Variants in LRRC9 observed in about 807,000 individuals in gnomAD.
LRRC9 encodes leucine-rich repeat-containing protein 9.
Under a neutral mutation model 63.2 loss-of-function variants are expected in LRRC9, and 122 were observed. That is an observed-to-expected ratio of 1.93 (90% CI 1.67 to 2.24). The LOEUF (loss-of-function observed/expected upper bound fraction) is 2.24. Among genes scored for constraint, LRRC9 ranks in the 30% most tolerant of loss-of-function variants. LRRC9 has a pLI of 0.00. For missense variants in LRRC9, 1,071 were observed against 627.7 expected (o/e 1.71, Z -7.55); for synonymous variants, 366 against 213.1 (o/e 1.72, Z -6.25).
chr14:59,927,874 T>A lies in LRRC9; in HGVS notation c.-33-37T>A. ...TATTTCAACTTGGAATGACAATGACTTTAATATTTATTTCATTTTTTCATT... is the reference window on the plus strand; with the variant it reads ...TATTTCAACTTGGAATGACAATGACATTAATATTTATTTCATTTTTTCATT... On this transcript the variant is annotated intron_variant, in intron 1 of 31. Transcript: ENST00000445360. The surrounding 1 kb of genome is among the most constrained non-coding windows in gnomAD (Gnocchi z 4.4). The A allele has an allele frequency of 3.2e-6, 2 of 624,910 alleles. No homozygotes were observed. Among genetic ancestry groups the A allele is most frequent in the Admixed American group, 5.5e-5 (2 of 36,246 alleles). 38.7% of individuals were successfully genotyped at this position (624,910 alleles called of 1,614,324 possible).
chr14:59,937,458 A>G (rs1273775136), intron 6 of LRRC9, among the ~76,000 whole-genome samples: 1 of 152,092 alleles, frequency 6.6e-6, no homozygotes, highest in African/African-American at 2.4e-5. Context: ...ATCTATCCCA[A>G]CGCTGGGGGA....
At chr14:60,006,281 C>T (rs997490427) in intron 21 of LRRC9, 116 bp from the exon 22 acceptor site, 21 of 584,748 alleles carry the variant, frequency 3.6e-5, no homozygotes, top group Non-Finnish European at 1.2e-5. Context: ...ATTACAGAAT[C>T]TTTAAAGCCA....
intron 8 of LRRC9, among the ~76,000 whole-genome samples, chr14:59,954,318 T>G (rs1208596170): frequency 2.6e-5 from 4 of 152,234 alleles, no homozygotes; most frequent in African/African-American, 4.8e-5. Context: ...TCCATTTTTT[T>G]TGTGTCCTCT....
intron 13 of LRRC9, among the ~76,000 whole-genome samples, chr14:59,976,255 A>G (rs896434737): frequency 1.1e-4 from 17 of 152,236 alleles, no homozygotes; most frequent in African/African-American, 3.9e-4. Flanking sequence ...GAAATAAAGT[A>G]CACAATAAAT....
At chr14:59,996,093 A>C (rs143523429) in intron 17 of LRRC9, among the ~76,000 whole-genome samples, 1 of 152,202 alleles carries the variant, frequency 6.6e-6, no homozygotes, top group Non-Finnish European at 1.5e-5. Context: ...GTCTACAGGC[A>C]GGTGCCACAA....
chr14:59,977,033 T>C (rs1418095460), intron 13 of LRRC9, among the ~76,000 whole-genome samples, 192 bp from the exon 14 acceptor site: 3 of 152,206 alleles, frequency 2.0e-5, no homozygotes. Context: ...TTTCATGTAT[T>C]CAACAAATAT....
At position 59,932,679 on chromosome 14, in the gene LRRC9, A is replaced by G. The variant is rs2139789574; in HGVS notation, c.543+640A>G. The stretch of plus-strand genomic sequence containing the variant: ...GTACAACTGGGTGCACCTTCAGAAT[A>G]TGTCCAGAGTCTGATCACTTCTTAC... On this transcript the variant is annotated intron_variant, in intron 6 of 31. Transcript: ENST00000445360. The surrounding 1 kb of genome is among the most constrained non-coding windows in gnomAD (Gnocchi z 4.7). Among the ~76,000 whole-genome samples the G allele has an allele frequency of 6.6e-6, 1 of 152,162 alleles. No homozygotes were observed. The highest frequency in any genetic ancestry group is 1.9e-4 in the East Asian group (1 of 5,182).
intron 30 of LRRC9, among the ~76,000 whole-genome samples, chr14:60,057,386 C>T (rs1340220385): frequency 1.3e-5 from 2 of 152,030 alleles, no homozygotes; most frequent in African/African-American, 2.4e-5. Context: ...TTATAAGATG[C>T]TTTTCTTAAC....
chr14:59,928,208 AAAAGTCATCTTTTAATTATTT>A (rs1889370416), intron 2 of LRRC9, 39 bp from the exon 3 acceptor site: 9 of 565,886 alleles, frequency 1.6e-5, no homozygotes, highest in Admixed American at 3.4e-5. Context: ...TTCTAATGGT[AAAAGTCATCTTTTAATTATTT>A]AAAATAGGTA....
At chr14:60,044,350 T>C (rs927732960) in intron 29 of LRRC9, among the ~76,000 whole-genome samples, 1 of 152,142 alleles carries the variant, frequency 6.6e-6, no homozygotes, top group African/African-American at 2.4e-5. Context: ...GCTTGGCTTG[T>C]TTTTACATTT....
rs1229184494 is a variant in LRRC9 at position 60,006,655 on chromosome 14, T to G, written c.3063+38T>G. On this transcript the variant is annotated intron_variant, in intron 22 of 31. Coordinates refer to ENST00000445360, the Ensembl canonical transcript of LRRC9. ...GTAGTAATTTTTTTGTTTTTTAACA[T>G]GTATTGTTTCTTTATATTATGAAAG... is the stretch of plus-strand genomic sequence containing the variant. 5.5e-5 allele frequency: 32 copies of G among 579,508 alleles called. No homozygotes were observed. The Admixed American group carries it at 1.0e-3, about 19-fold the overall frequency. 35.9% of individuals were successfully genotyped at this position (579,508 alleles called of 1,614,324 possible).
In LRRC9 at chr14:59,938,946, C is replaced by CATACATATATACACACATATATACATAT. The variant is rs1566790259; in HGVS notation, c.726+404_726+431dup. 3.1e-5 allele frequency among the ~76,000 whole-genome samples: 3 copies of CATACATATATACACACATATATACATAT among 97,940 alleles called. No individual in the cohort carries two copies. Among genetic ancestry groups the CATACATATATACACACATATATACATAT allele is most frequent in the Admixed American group, 2.0e-4 (2 of 10,186 alleles). The allele number at this position is 97,940 out of a possible 152,430, so 64.3% of individuals were successfully genotyped here. A position where few individuals can be genotyped will look rare whatever the true frequency, so the allele number is the denominator to read the frequency against. ...ATATATATACACATATATACATATA[C>CATACATATATACACACATATATACATAT]ATACATATATACACACATATATACA... On this transcript the variant is annotated intron_variant, in intron 7 of 31. Coordinates refer to ENST00000445360, the Ensembl canonical transcript of LRRC9. The surrounding 1 kb of genome is among the most constrained non-coding windows in gnomAD (Gnocchi z 4.2).
rs1029621472 is a variant in LRRC9 at position 60,051,843 on chromosome 14, T to C, written c.3991-1222T>C. ...TGGGCTCACAAGGGGATCTCCCAAT[T>C]TGTGGGTTGCAAAGATTCATGGGAG... On this transcript the variant is annotated intron_variant, in intron 29 of 31. Transcript: ENST00000445360. This position sits in a 1 kb window ranked among gnomAD's most constrained non-coding sequence, Gnocchi z 4.7. 5.1e-4 allele frequency among the ~76,000 whole-genome samples: 77 copies of C among 152,256 alleles called. 1 individual carries two copies. Among genetic ancestry groups the C allele is most frequent in the African/African-American group, 1.7e-3 (70 of 41,548 alleles).
chr14:59,930,935 A>G lies in LRRC9; in HGVS notation c.285A>G (p.Gln95=). 1 of 441,118 alleles carries G rather than the reference A, an allele frequency of 2.3e-6. No individual in the cohort carries two copies. 27.3% of individuals were successfully genotyped at this position (441,118 alleles called of 1,614,324 possible). The change falls in exon 4 of 32, where the codon CAA becomes CAG. Residue 95 remains glutamine (Q), a synonymous_variant. Coordinates refer to ENST00000445360, the Ensembl canonical transcript of LRRC9. The surrounding 1 kb of genome is among the most constrained non-coding windows in gnomAD (Gnocchi z 4.9). The stretch of plus-strand genomic sequence containing the variant: ...TTTTACAGAAAATTGAAGGTCTTCA[A>G]GAATGTAGAAATTTGGAAAAACTAT...
intron 29 of LRRC9, among the ~76,000 whole-genome samples, chr14:60,035,960 T>TG (rs35623415): frequency 0.75 from 114,018 of 151,616 alleles, 44,848 homozygotes; most frequent in Non-Finnish European, 0.87. Flanking sequence ...CTCACAATTC[T>TG]GAGGCTGAAA....
At chr14:59,996,775 G>A (rs1038676371) in intron 17 of LRRC9, among the ~76,000 whole-genome samples, 7 of 152,112 alleles carry the variant, frequency 4.6e-5, no homozygotes, top group South Asian at 2.1e-4. Flanking sequence ...AGTATTTATC[G>A]AGAGTCTTAA....
chr14:59,931,653 A>G (rs757886945), exon 5 of LRRC9: 1 of 699,372 alleles, frequency 1.4e-6, no homozygotes, highest in South Asian at 1.5e-5. Context: ...AAAGATCTCA[A>G]CCTTGCTGGA....
Position 59,938,823 on chromosome 14 carries a change from A to G in LRRC9, c.726+251A>G, listed in dbSNP as rs576104247. Among the ~76,000 whole-genome samples the G allele has an allele frequency of 1.0e-3, 150 of 148,950 alleles. No individual in the cohort carries two copies. Among genetic ancestry groups the G allele is most frequent in the Non-Finnish European group, 1.8e-3 (120 of 67,434 alleles). On this transcript the variant is annotated intron_variant, in intron 7 of 31. Transcript: ENST00000445360. This position sits in a 1 kb window ranked among gnomAD's most constrained non-coding sequence, Gnocchi z 4.2. ...ATAATGTTTCTAATCTATACAAAAC[A>G]AGAAGGAAATTGAAAAAAAATCAGT...
chr14:59,972,244 C>T (rs2140035933), intron 12 of LRRC9, among the ~76,000 whole-genome samples: 1 of 152,158 alleles, frequency 6.6e-6, no homozygotes, highest in East Asian at 1.9e-4. Context: ...TGTGGCTTTT[C>T]CTGAATTTTC....
Sources: allele counts gnomAD v4.1 joint callset (sites outside exome capture counted in the v4.1 genomes callset), GRCh38; gene constraint gnomAD v4.1.1; non-coding constraint Gnocchi (gnomAD v3.1); transcripts MANE v1.5; gene names NCBI Gene and HGNC (gene_info 2026-07-23, HGNC 2026-07-21).